LTBP1: variants seen among roughly 807,000 people sequenced by gnomAD.
LTBP1 encodes latent-transforming growth factor beta-binding protein 1.
LTBP1 carries 129 observed loss-of-function variants against 207.6 expected under a neutral mutation model. The ratio of observed to expected loss-of-function variants is 0.62; its 90% confidence interval spans 0.54 to 0.72. The LOEUF is 0.72. LTBP1 is among the 30% of genes least tolerant of loss of function. The pLI is 0.00. For synonymous variants in LTBP1, 963 were observed against 833.7 expected, an observed-to-expected ratio of 1.16 and a Z score of -2.67; for missense variants, 2,281 against 2,217.2, an observed-to-expected ratio of 1.03 and a Z score of -0.58.
intron 31 of LTBP1, among the ~76,000 whole-genome samples, chr2:33,387,736 G>GTTTTTT (rs5830256): frequency 1.0e-4 from 15 of 147,854 alleles, no homozygotes; most frequent in African/African-American, 3.0e-4. Context: ...CCTTGGTGGG[G>GTTTTTT]TTTTTTTTTT....
chr2:33,163,443 A>G (rs183249581), intron 5 of LTBP1, among the ~76,000 whole-genome samples: 37 of 152,348 alleles, frequency 2.4e-4, no homozygotes, highest in African/African-American at 7.9e-4. Flanking sequence ...CAGTCTTTTG[A>G]TAATTGCCAT....
At chr2:33,279,942 G>T in intron 18 of LTBP1, 97 bp from the exon 19 acceptor site, 2 of 1,300,270 alleles carry the variant, frequency 1.5e-6, no homozygotes, top group Non-Finnish European at 2.2e-6. Context: ...CTGAAATGTA[G>T]ATATAACATG....
At chr2:33,366,753 G>A (rs1307671396) in intron 31 of LTBP1, among the ~76,000 whole-genome samples, 1 of 152,190 alleles carries the variant, frequency 6.6e-6, no homozygotes, top group Non-Finnish European at 1.5e-5. Context: ...GTAGAGCAGG[G>A]GGTAATTACT....
At chr2:33,105,082 T>C (rs1361877869) in intron 3 of LTBP1, among the ~76,000 whole-genome samples, 1 of 152,196 alleles carries the variant, frequency 6.6e-6, no homozygotes, top group Admixed American at 6.5e-5. Context: ...TTTTCTAAAA[T>C]GTCTTGCTCT....
intron 4 of LTBP1, among the ~76,000 whole-genome samples, chr2:33,129,465 C>A (rs1414718451): frequency 2.0e-5 from 3 of 152,208 alleles, no homozygotes; most frequent in Admixed American, 2.0e-4. Flanking sequence ...AAATATCTTA[C>A]ACAGATTTTA....
intron 3 of LTBP1, among the ~76,000 whole-genome samples, chr2:33,075,099 T>G (rs405958): frequency 0.49 from 74,391 of 151,922 alleles, 20,896 homozygotes; most frequent in East Asian, 0.64. Flanking sequence ...AAAAAGATGT[T>G]GTGGTGGTAA....
intron 6 of LTBP1, 150 bp from the exon 7 acceptor site, chr2:33,188,427 C>CAAAAAAAAAAAAAAA: frequency 8.6e-6 from 3 of 349,854 alleles, no homozygotes; most frequent in Non-Finnish European, 1.5e-5. Context: ...AACTCCATCT[C>CAAAAAAAAAAAAAAA]AAAAAAAAAA....
intron 19 of LTBP1, among the ~76,000 whole-genome samples, chr2:33,282,062 CATATATATATATAT>C (rs66505403): frequency 6.3e-5 from 9 of 142,852 alleles, no homozygotes; most frequent in African/African-American, 1.5e-4. Context: ...CCTATATGTG[CATATATATATATAT>C]ATATATATAT....
intron 11 of LTBP1, 104 bp from the exon 12 acceptor site, chr2:33,257,180 A>T (rs1453395541): frequency 2.5e-6 from 2 of 803,708 alleles, no homozygotes; most frequent in South Asian, 2.1e-5. Flanking sequence ...AAATGTAACT[A>T]CATTAGTGAT....
At chr2:33,147,615 A>T (rs558524100) in intron 5 of LTBP1, among the ~76,000 whole-genome samples, 1 of 152,330 alleles carries the variant, frequency 6.6e-6, no homozygotes, top group East Asian at 1.9e-4. Flanking sequence ...CCTTTTTCAA[A>T]TCTCCTACCT....
At chr2:33,069,770 G>A (rs567534904) in intron 3 of LTBP1, among the ~76,000 whole-genome samples, 54 of 152,232 alleles carry the variant, frequency 3.5e-4, no homozygotes, top group Admixed American at 2.3e-3. Context: ...AATGCTTACT[G>A]TCTTCACCAT....
intron 5 of LTBP1, among the ~76,000 whole-genome samples, chr2:33,143,777 G>T (rs1435847990): frequency 7.3e-6 from 1 of 137,706 alleles, no homozygotes; most frequent in African/African-American, 2.7e-5. Context: ...TGCCTGTGCT[G>T]TTTTTTGTTG....
chr2:32,979,662 G>A (rs2148701145), intron 2 of LTBP1, among the ~76,000 whole-genome samples: 1 of 152,242 alleles, frequency 6.6e-6, no homozygotes, highest in Admixed American at 6.5e-5. Flanking sequence ...GTAGCCACTG[G>A]ATGAAATGTT....
At chr2:33,382,042 C>A (rs1230525476) in intron 31 of LTBP1, among the ~76,000 whole-genome samples, 1 of 138,982 alleles carries the variant, frequency 7.2e-6, no homozygotes, top group African/African-American at 2.7e-5. Context: ...GTTCAGTAGC[C>A]TGCATCTACA....
In LTBP1 at chr2:33,243,593, G is replaced by A. The variant is rs571628971; in HGVS notation, c.1877-69G>A. 5.3e-5 allele frequency: 78 copies of A among 1,472,002 alleles called. 1 individual carries two copies. The South Asian group carries it at 8.9e-4, about 17-fold the overall frequency. The allele number at this position is 1,472,002 out of a possible 1,614,324, so 91.2% of individuals were successfully genotyped here. On this transcript the variant is annotated intron_variant, in intron 9 of 33. Coordinates refer to ENST00000404816, the MANE Select transcript of LTBP1 (RefSeq NM_206943.4). The stretch of plus-strand genomic sequence containing the variant: ...TACTATAGTGAAAAAGGAAGTGAAT[G>A]CAATGTATAGCCAGAATCTGCTCAA...
At position 33,021,094 on chromosome 2, in the gene LTBP1, C is replaced by T. The variant is rs779589784; in HGVS notation, c.751C>T (p.His251Tyr). 6.2e-6 allele frequency: 10 copies of T among 1,614,142 alleles called. No homozygotes were observed. Among genetic ancestry groups the T allele is most frequent in the Non-Finnish European group, 7.6e-6 (9 of 1,180,012 alleles). The change falls in exon 3 of 34, where the codon CAT becomes TAT. Residue 251 changes from histidine to tyrosine, a missense_variant. By Grantham distance (83) the His-to-Tyr change is moderately conservative. Transcript: ENST00000404816. Reference protein sequence around the residue: ...SWGPPEQAAKHTSSKKADTLP... With the variant: ...SWGPPEQAAKYTSSKKADTLP... ...GGGCCCTCCTGAGCAAGCAGCAAAG[C>T]ATACTTCATCTAAGAAGGCAGACAC...
chr2:33,130,359 G>A (rs531230410), intron 4 of LTBP1, among the ~76,000 whole-genome samples: 9 of 152,262 alleles, frequency 5.9e-5, no homozygotes, highest in African/African-American at 2.2e-4. Flanking sequence ...ACGCTAATGT[G>A]CTGTTGCGGC....
intron 5 of LTBP1, among the ~76,000 whole-genome samples, chr2:33,151,354 T>G (rs1458477625): frequency 6.6e-6 from 1 of 152,202 alleles, no homozygotes; most frequent in African/African-American, 2.4e-5. Flanking sequence ...CTGTGCCATT[T>G]TATATTCCCA....
At chr2:33,150,595 C>G (rs1332369016) in intron 5 of LTBP1, among the ~76,000 whole-genome samples, 1 of 151,920 alleles carries the variant, frequency 6.6e-6, no homozygotes, top group Non-Finnish European at 1.5e-5. Flanking sequence ...CTGGTCACCC[C>G]TGTTCTACTT....
Sources: allele counts gnomAD v4.1 joint callset (sites outside exome capture counted in the v4.1 genomes callset), GRCh38; gene constraint gnomAD v4.1.1; transcripts MANE v1.5; gene names NCBI Gene and HGNC (gene_info 2026-07-23, HGNC 2026-07-21).